Variants in TNFAIP6 observed in about 807,000 individuals in gnomAD.
TNFAIP6 encodes the protein TNF alpha induced protein 6.
A neutral mutation model predicts 33.7 loss-of-function variants in TNFAIP6; 36 were observed. That is an observed-to-expected ratio of 1.07 (90% CI 0.82 to 1.41). TNFAIP6 has a LOEUF of 1.41. Among genes scored for constraint, TNFAIP6 ranks in the 40% most tolerant of loss-of-function variants. The pLI, the probability that TNFAIP6 is intolerant of heterozygous loss-of-function variation, is 0.00. For missense variants in TNFAIP6, 273 were observed against 331.9 expected, an observed-to-expected ratio of 0.82 and a Z score of 1.38; for synonymous variants, 113 against 112.8, an observed-to-expected ratio of 1.00 and a Z score of -0.01.
Position 151,366,068 on chromosome 2 carries a change from GTGC to G in TNFAIP6, c.251_253del (p.Ala84del). ...TTTCTTCTTGCAGGATTTCATGTCT[GTGC>G]TGCTGGATGGATGGCTAAGGGCAGA... On this transcript the variant is annotated inframe_deletion, in exon 3 of 6. Transcript: ENST00000243347. The G allele has an allele frequency of 6.2e-7, 1 of 1,614,024 alleles. No individual in the cohort carries two copies.
intron 1 of TNFAIP6, among the ~76,000 whole-genome samples, chr2:151,358,213 T>A (rs1459949351): frequency 6.6e-6 from 1 of 152,200 alleles, no homozygotes; most frequent in Non-Finnish European, 1.5e-5. Flanking sequence ...ATAGTCTATA[T>A]CTTAGTTTTT....
At chr2:151,374,573 C>T (rs1246862603) in intron 5 of TNFAIP6, among the ~76,000 whole-genome samples, 3 of 152,166 alleles carry the variant, frequency 2.0e-5, no homozygotes, top group Non-Finnish European at 4.4e-5. Flanking sequence ...CTTTCAGTGA[C>T]TCAATTCTAA....
Position 151,379,739 on chromosome 2 carries a change from G to T in TNFAIP6, c.*206G>T. On this transcript the variant is annotated 3_prime_UTR_variant, in exon 6 of 6. Transcript: ENST00000243347. The stretch of plus-strand genomic sequence containing the variant: ...ATCCCACTGCATAGAAATAACAAGC[G>T]TTAACATTTTCATATTTTTTTCTTT... 2 of 346,436 alleles carry T rather than the reference G, an allele frequency of 5.8e-6. No homozygotes were observed. The highest frequency in any genetic ancestry group is 8.5e-5 in the South Asian group (1 of 11,708). The allele number at this position is 346,436 out of a possible 1,614,324, so 21.5% of individuals were successfully genotyped here. A position where few individuals can be genotyped will look rare whatever the true frequency, so the allele number is the denominator to read the frequency against.
chr2:151,372,204 A>G (rs1264419957), intron 4 of TNFAIP6: 1 of 152,220 alleles, frequency 6.6e-6, no homozygotes, highest in Non-Finnish European at 1.5e-5. Flanking sequence ...AAGCAGATTA[A>G]AACTCCCGTG....
rs1334414081 is a variant in TNFAIP6 at position 151,379,778 on chromosome 2, A to G, written c.*245A>G. The G allele has an allele frequency of 1.5e-5, 4 of 265,738 alleles. No homozygotes were observed. The highest frequency in any genetic ancestry group is 5.2e-5 in the Admixed American group (1 of 19,132). 16.5% of individuals were successfully genotyped at this position (265,738 alleles called of 1,614,324 possible). On this transcript the variant is annotated 3_prime_UTR_variant, in exon 6 of 6. Transcript: ENST00000243347. The stretch of plus-strand genomic sequence containing the variant: ...ATTTTTTTCTTTCAGTCATTTTTCT[A>G]TTTGTGGTATATGTATATATGTACC...
chr2:151,369,300 C>G (rs10189929), intron 3 of TNFAIP6, among the ~76,000 whole-genome samples: 27,604 of 151,998 alleles, frequency 0.18, 2,878 homozygotes, highest in African/African-American at 0.29. Flanking sequence ...CATTACAATT[C>G]TTTTAATTTT....
chr2:151,358,488 T>C (rs1245850821), intron 1 of TNFAIP6, among the ~76,000 whole-genome samples: 2 of 152,150 alleles, frequency 1.3e-5, no homozygotes, highest in African/African-American at 4.8e-5. Context: ...ACCCCTTAGA[T>C]TACAGTATGC....
chr2:151,369,905 A>G, intron 3 of TNFAIP6, 115 bp from the exon 4 acceptor site: 1 of 753,432 alleles, frequency 1.3e-6, no homozygotes, highest in Non-Finnish European at 2.2e-6. Context: ...GCTGTATACT[A>G]AGACATTTAA....
chr2:151,363,794 A>T lies in TNFAIP6; in HGVS notation c.95-149A>T, dbSNP rs763242135. On this transcript the variant is annotated intron_variant, in intron 1 of 5. Transcript: ENST00000243347. ...AGATTTTTCCCCAAAGTTTCCTAAC[A>T]GTGAAAACTTAGCTACCCAAGGCAG... 3.8e-6 allele frequency: 3 copies of T among 784,852 alleles called. No homozygotes were observed. The East Asian group carries it at 9.5e-5, about 25-fold the overall frequency. 48.6% of individuals were successfully genotyped at this position (784,852 alleles called of 1,614,324 possible). A position where few individuals can be genotyped will look rare whatever the true frequency, so the allele number is the denominator to read the frequency against.
At chr2:151,370,659 G>T (rs1036508408) in intron 4 of TNFAIP6, among the ~76,000 whole-genome samples, 2 of 152,208 alleles carry the variant, frequency 1.3e-5, no homozygotes, top group East Asian at 3.8e-4. Flanking sequence ...TAAGTTGTAA[G>T]AACTAGTTAG....
chr2:151,369,737 C>T (rs1194699794), intron 3 of TNFAIP6, among the ~76,000 whole-genome samples: 2 of 151,870 alleles, frequency 1.3e-5, no homozygotes, highest in African/African-American at 4.8e-5. Context: ...ATTGGGTCAC[C>T]GCACTCCAGC....
chr2:151,362,054 T>C (rs1433589929), intron 1 of TNFAIP6, among the ~76,000 whole-genome samples: 2 of 152,210 alleles, frequency 1.3e-5, no homozygotes, highest in Admixed American at 6.5e-5. Flanking sequence ...AAGAAATATG[T>C]ATGTCCTCAC....
At chr2:151,367,809 C>T (rs1057229416) in intron 3 of TNFAIP6, among the ~76,000 whole-genome samples, 3 of 151,454 alleles carry the variant, frequency 2.0e-5, no homozygotes, top group South Asian at 4.2e-4. Flanking sequence ...GAGACTTGAC[C>T]GCCTGAACTA....
chr2:151,365,929 C>T (rs2303341), intron 2 of TNFAIP6, 127 bp from the exon 3 acceptor site: 9,230 of 829,852 alleles, frequency 0.011, 320 homozygotes, highest in African/African-American at 0.087. Flanking sequence ...AATTTTCTCC[C>T]TTTTACATGA....
intron 2 of TNFAIP6, 129 bp from the exon 3 acceptor site, chr2:151,365,927 C>T (rs895020202): frequency 2.6e-6 from 2 of 783,530 alleles, no homozygotes; most frequent in Non-Finnish European, 4.1e-6. Context: ...GCAATTTTCT[C>T]CCTTTTACAT....
Position 151,373,541 on chromosome 2 carries a change from C to T in TNFAIP6, c.624-8C>T, listed in dbSNP as rs778189933. On this transcript the variant is annotated splice_polypyrimidine_tract_variant and splice_region_variant and intron_variant, in intron 4 of 5. Transcript: ENST00000243347. ...TGTGACATCTCTTTTCTAAAAATTC[C>T]TTTTCAGATACTGTGGAGATGAGCT... is the stretch of plus-strand genomic sequence containing the variant. 1.2e-5 allele frequency: 19 copies of T among 1,530,826 alleles called. No homozygotes were observed. Among genetic ancestry groups the T allele is most frequent in the Non-Finnish European group, 1.5e-5 (17 of 1,131,482 alleles). 94.8% of individuals were successfully genotyped at this position (1,530,826 alleles called of 1,614,324 possible). A position where few individuals can be genotyped will look rare whatever the true frequency, so the allele number is the denominator to read the frequency against.
At chr2:151,362,989 G>GTGT (rs1684653364) in intron 1 of TNFAIP6, among the ~76,000 whole-genome samples, 4 of 152,104 alleles carry the variant, frequency 2.6e-5, no homozygotes, top group Admixed American at 2.0e-4. Flanking sequence ...TTTATCACCT[G>GTGT]TGGATAGTGT....
At chr2:151,370,517 T>A (rs1684799306) in intron 4 of TNFAIP6, among the ~76,000 whole-genome samples, 1 of 150,080 alleles carries the variant, frequency 6.7e-6, no homozygotes, top group Non-Finnish European at 1.5e-5. Context: ...TACAACATAC[T>A]TATTAAAGTA....
chr2:151,365,130 C>T (rs1448455005), intron 2 of TNFAIP6, among the ~76,000 whole-genome samples: 1 of 152,098 alleles, frequency 6.6e-6, no homozygotes, highest in African/African-American at 2.4e-5. Flanking sequence ...TGCTTGAGCT[C>T]AGGAGTTCAA....
Sources: allele counts gnomAD v4.1 joint callset (sites outside exome capture counted in the v4.1 genomes callset), GRCh38; gene constraint gnomAD v4.1.1; transcripts MANE v1.5; gene names NCBI Gene and HGNC (gene_info 2026-07-23, HGNC 2026-07-21).